CCNJ: variants seen among roughly 807,000 people sequenced by gnomAD.
CCNJ encodes cyclin J.
A neutral mutation model predicts 41.4 loss-of-function variants in CCNJ; 12 were observed. The ratio of observed to expected loss-of-function variants is 0.29; its 90% confidence interval spans 0.19 to 0.47. The LOEUF is 0.47. Among genes scored for constraint, CCNJ ranks in the 20% least tolerant of loss-of-function variants. The pLI, the probability that CCNJ is intolerant of heterozygous loss-of-function variation, is 1.00. For synonymous variants in CCNJ, 161 were observed against 173.4 expected (o/e 0.93, Z 0.56); for missense variants, 340 against 464.6 (o/e 0.73, Z 2.47).
intron 2 of CCNJ, 24 bp downstream of exon 2, chr10:96,044,486 T>A: frequency 6.8e-7 from 1 of 1,478,956 alleles, no homozygotes; most frequent in South Asian, 1.4e-5. Flanking sequence ...CCGGCCTGCC[T>A]TCTCCTTCTG....
chr10:96,058,270 A>G lies in CCNJ; in HGVS notation c.*29A>G. 6.3e-7 allele frequency: 1 copy of G among 1,586,804 alleles called. No homozygotes were observed. Among genetic ancestry groups the G allele is most frequent in the Admixed American group, 1.7e-5 (1 of 58,998 alleles). ...TTTGTGAAGCTGATAACCGACCCAG[A>G]CTGCTTTGTGACATGAAGCTATGGG... On this transcript the variant is annotated 3_prime_UTR_variant, in exon 6 of 6. Coordinates refer to ENST00000465148, the MANE Select transcript of CCNJ (RefSeq NM_001134375.2).
intron 3 of CCNJ, among the ~76,000 whole-genome samples, chr10:96,053,199 T>TGGAGAGCTATGTGTAGCTCTGATC (rs1367496253): frequency 6.6e-6 from 1 of 152,204 alleles, no homozygotes; most frequent in Admixed American, 6.5e-5. Context: ...TATCTCTGAT[T>TGGAGAGCTATGTGTAGCTCTGATC]GGAGAGCTAT....
intron 5 of CCNJ, 98 bp from the exon 6 acceptor site, chr10:96,057,732 G>A (rs914405601): frequency 2.9e-6 from 3 of 1,048,560 alleles, no homozygotes; most frequent in Non-Finnish European, 4.2e-6. Flanking sequence ...GGGTAGTGGT[G>A]GTGGAAGAAG....
At chr10:96,043,161 G>C (rs1246164083), upstream of CCNJ, among the ~76,000 whole-genome samples, 2 of 152,238 alleles carry the variant, frequency 1.3e-5, no homozygotes, top group Non-Finnish European at 2.9e-5. Flanking sequence ...ATGCCGTGAA[G>C]ACTTTTAAAC....
chr10:96,049,142 T>G (rs920345715), intron 2 of CCNJ, among the ~76,000 whole-genome samples: 2 of 152,208 alleles, frequency 1.3e-5, no homozygotes, highest in Non-Finnish European at 2.9e-5. Context: ...CAACTAGGTG[T>G]GAAGTGCTGT....
Position 96,057,000 on chromosome 10 carries a change from G to T in CCNJ, c.580G>T (p.Asp194Tyr). 2 of 1,613,466 alleles carry T rather than the reference G, an allele frequency of 1.2e-6. No homozygotes were observed. The highest frequency in any genetic ancestry group is 1.7e-6 in the Non-Finnish European group (2 of 1,179,524). The change falls in exon 4 of 6, where the codon GAT (aspartate) becomes TAT (tyrosine). Residue 194 changes from aspartate (D) to tyrosine (Y), a missense_variant and splice_region_variant. Coordinates refer to ENST00000465148, the MANE Select transcript of CCNJ (RefSeq NM_001134375.2). ...ADYFLEVSLQDYAFLNYAPSL... is the reference protein window; with the variant it reads ...ADYFLEVSLQYYAFLNYAPSL... ...TTACTTCCTGGAAGTATCTTTGCAA[G>T]GTGGGTTGTTGTGAATACCAGTAAG...
chr10:96,051,547 T>A (rs1389962410), intron 3 of CCNJ, among the ~76,000 whole-genome samples: 2 of 150,754 alleles, frequency 1.3e-5, no homozygotes, highest in Admixed American at 6.6e-5. Flanking sequence ...TATAATAGAA[T>A]CTTAAAGGAG....
chr10:96,044,375 G>T lies in CCNJ; in HGVS notation c.-19G>T. On this transcript the variant is annotated 5_prime_UTR_variant, in exon 2 of 6. Coordinates refer to ENST00000465148, the MANE Select transcript of CCNJ (RefSeq NM_001134375.2). ...CAGACTCGAGTTGCCGCGTCGGGCT[G>T]GGCGCGCCGCCGGGTCCCATGGAGC... 1 of 1,514,226 alleles carries T rather than the reference G, an allele frequency of 6.6e-7. No individual in the cohort carries two copies. Among genetic ancestry groups the T allele is most frequent in the African/African-American group, 1.4e-5 (1 of 70,950 alleles). 93.8% of individuals were successfully genotyped at this position (1,514,226 alleles called of 1,614,324 possible).
At chr10:96,048,476 T>A (rs1244870409) in intron 2 of CCNJ, among the ~76,000 whole-genome samples, 1 of 152,206 alleles carries the variant, frequency 6.6e-6, no homozygotes, top group African/African-American at 2.4e-5. Context: ...ATTCTAACCA[T>A]TTTTAACTGT....
At position 96,043,621 on chromosome 10, in the gene CCNJ, G is replaced by A; in HGVS notation, c.-140G>A. 2.5e-6 allele frequency: 1 copy of A among 395,216 alleles called. No homozygotes were observed. The highest frequency in any genetic ancestry group is 3.6e-5 in the East Asian group (1 of 27,862). 24.5% of individuals were successfully genotyped at this position (395,216 alleles called of 1,614,324 possible). A position where few individuals can be genotyped will look rare whatever the true frequency, so the allele number is the denominator to read the frequency against. The stretch of plus-strand genomic sequence containing the variant: ...GCGAGCGTCCAGGCGCTGGGCTCTA[G>A]CTGAGGCCGGCGCTTAGCGGCCCAC... On this transcript the variant is annotated 5_prime_UTR_variant, in exon 1 of 6. Coordinates refer to ENST00000465148, the MANE Select transcript of CCNJ (RefSeq NM_001134375.2).
chr10:96,056,177 C>T lies in CCNJ; in HGVS notation c.281-524C>T, dbSNP rs550619174. 9.1e-3 allele frequency among the ~76,000 whole-genome samples: 1,385 copies of T among 152,004 alleles called. 11 individuals are homozygous for T. Among genetic ancestry groups the T allele is most frequent in the Admixed American group, 0.016 (243 of 15,272 alleles). On this transcript the variant is annotated intron_variant, in intron 3 of 5. Coordinates refer to ENST00000465148, the MANE Select transcript of CCNJ (RefSeq NM_001134375.2). ...ACAAAAAATTAGCCAGGCGTGGTGG[C>T]GGGCGCCTGTAGTCCCAGCTACTCG...
At chr10:96,043,116 G>A (rs1317932723), upstream of CCNJ, among the ~76,000 whole-genome samples, 1 of 152,154 alleles carries the variant, frequency 6.6e-6, no homozygotes, top group African/African-American at 2.4e-5. Context: ...GGATGGAAGC[G>A]GTTGGTGCAA....
chr10:96,058,458 T>C lies in CCNJ; in HGVS notation c.*217T>C, dbSNP rs1203056763. On this transcript the variant is annotated 3_prime_UTR_variant, in exon 6 of 6. Transcript: ENST00000465148. ...GTCAAATTCTGTTACAACAAATCCCTGTATGACAAAAATGTTCAAGTCCTG... is the reference window on the plus strand; with the variant it reads ...GTCAAATTCTGTTACAACAAATCCCCGTATGACAAAAATGTTCAAGTCCTG... 1 of 520,960 alleles carries C rather than the reference T, an allele frequency of 1.9e-6. No individual in the cohort carries two copies. Among genetic ancestry groups the C allele is most frequent in the Non-Finnish European group, 3.4e-6 (1 of 294,746 alleles). The allele number at this position is 520,960 out of a possible 1,614,324, so 32.3% of individuals were successfully genotyped here. A position where few individuals can be genotyped will look rare whatever the true frequency, so the allele number is the denominator to read the frequency against.
chr10:96,058,319 C>A lies in CCNJ; in HGVS notation c.*78C>A, dbSNP rs1591024962. 7.8e-7 allele frequency: 1 copy of A among 1,275,182 alleles called. No homozygotes were observed. 79.0% of individuals were successfully genotyped at this position (1,275,182 alleles called of 1,614,324 possible). A position where few individuals can be genotyped will look rare whatever the true frequency, so the allele number is the denominator to read the frequency against. ...GGTAAGCGTTTTGTAAACTTCTGTT[C>A]AAAAGGAAAGGGATCTAAATGACAT... is the stretch of plus-strand genomic sequence containing the variant. On this transcript the variant is annotated 3_prime_UTR_variant, in exon 6 of 6. Transcript: ENST00000465148.
At position 96,050,348 on chromosome 10, in the gene CCNJ, C is replaced by T. The variant is rs2080488202; in HGVS notation, c.162C>T (p.Phe54=). The change falls in exon 3 of 6, where the codon TTC becomes TTT. Residue 54 remains phenylalanine, a synonymous_variant. Transcript: ENST00000465148. ...ADLIAIVSNR[F]TLCPSARHLA... ...TGATTGCCATTGTGAGCAATCGCTT[C>T]ACACTCTGCCCTTCTGCCCGCCATC... 1.2e-6 allele frequency: 2 copies of T among 1,614,076 alleles called. No individual in the cohort carries two copies. The highest frequency in any genetic ancestry group is 1.7e-6 in the Non-Finnish European group (2 of 1,179,964).
Position 96,043,652 on chromosome 10 carries a change from G to C in CCNJ, c.-109G>C, listed in dbSNP as rs151011430. 3 of 394,612 alleles carry C rather than the reference G, an allele frequency of 7.6e-6. No individual in the cohort carries two copies. The highest frequency in any genetic ancestry group is 1.3e-5 in the Non-Finnish European group (3 of 223,448). 24.4% of individuals were successfully genotyped at this position (394,612 alleles called of 1,614,324 possible). A position where few individuals can be genotyped will look rare whatever the true frequency, so the allele number is the denominator to read the frequency against. On this transcript the variant is annotated 5_prime_UTR_variant, in exon 1 of 6. Transcript: ENST00000465148. ...GCCGGCGCTTAGCGGCCCACTGTCC[G>C]CAGCATGAGCGGGGCCGGCGTCCGC...
Position 96,058,672 on chromosome 10 carries a change from AT to A in CCNJ, c.*436del. ...TTTATGAAGGAAAGTTACAGTATTA[AT>A]TTTTGAAAAGGTTTTTTTTATTCTG... On this transcript the variant is annotated 3_prime_UTR_variant, in exon 6 of 6. Transcript: ENST00000465148. The A allele has an allele frequency of 2.5e-6, 1 of 399,234 alleles. No individual in the cohort carries two copies. Among genetic ancestry groups the A allele is most frequent in the Non-Finnish European group, 4.4e-6 (1 of 226,722 alleles). The allele number at this position is 399,234 out of a possible 1,614,324, so 24.7% of individuals were successfully genotyped here. A position where few individuals can be genotyped will look rare whatever the true frequency, so the allele number is the denominator to read the frequency against.
intron 1 of CCNJ, among the ~76,000 whole-genome samples, chr10:96,044,075 C>A (rs999048565): frequency 6.6e-6 from 1 of 152,228 alleles, no homozygotes; most frequent in Non-Finnish European, 1.5e-5. Context: ...GAGCTCGCAC[C>A]TGGCTCCGCG....
intron 3 of CCNJ, among the ~76,000 whole-genome samples, chr10:96,053,217 G>GATTGGAGAGCTATGTGTAGTA (rs2080580711): frequency 7.3e-5 from 4 of 55,132 alleles, no homozygotes; most frequent in Non-Finnish European, 1.6e-4. Flanking sequence ...TATGTGTAGT[G>GATTGGAGAGCTATGTGTAGTA]TTTTGGAGCA....
Sources: gnomAD v4.1 joint callset for allele counts (sites outside exome capture counted in the v4.1 genomes callset) on GRCh38, gnomAD v4.1.1 for gene constraint, MANE v1.5 for transcripts, NCBI Gene and HGNC (gene_info 2026-07-23, HGNC 2026-07-21) for gene names.